ARHGEF28: variants seen among roughly 807,000 people sequenced by gnomAD.
ARHGEF28 encodes 190 kDa guanine nucleotide exchange factor.
ARHGEF28 carries 152 observed loss-of-function variants against 206.6 expected under a neutral mutation model. The ratio of observed to expected loss-of-function variants is 0.74; its 90% CI spans 0.64 to 0.84. The LOEUF (loss-of-function observed/expected upper bound fraction) is 0.84, where lower values mean the gene tolerates loss of function less well. Ranked by LOEUF, ARHGEF28 falls within the 40% of genes least tolerant of loss-of-function variation. The pLI, the probability that ARHGEF28 is intolerant of heterozygous loss-of-function variation, is 0.00. For missense variants in ARHGEF28, 2,028 were observed against 2,073.2 expected (o/e 0.98, Z 0.42); for synonymous variants, 763 against 776.4 (o/e 0.98, Z 0.29).
chr5:73,663,384 G>T (rs149913732), intron 1 of ARHGEF28, among the ~76,000 whole-genome samples: 3 of 152,312 alleles, frequency 2.0e-5, no homozygotes, highest in Admixed American at 1.3e-4. Context: ...TCCAGGACTG[G>T]TGTGCCCTCG....
chr5:73,925,308 G>A (rs1175486045), intron 35 of ARHGEF28, among the ~76,000 whole-genome samples: 1 of 152,062 alleles, frequency 6.6e-6, no homozygotes, highest in Non-Finnish European at 1.5e-5. Flanking sequence ...TCTGTTCATT[G>A]TGTGGAAGGC....
intron 9 of ARHGEF28, among the ~76,000 whole-genome samples, chr5:73,813,103 C>G (rs996178474): frequency 1.4e-4 from 21 of 152,156 alleles, no homozygotes; most frequent in African/African-American, 4.6e-4. Context: ...TAAACCTCAA[C>G]CTTTATCTAA....
intron 1 of ARHGEF28, among the ~76,000 whole-genome samples, chr5:73,659,398 C>T (rs946998022): frequency 2.0e-5 from 3 of 151,974 alleles, no homozygotes; most frequent in East Asian, 1.9e-4. Context: ...GGCATGGTGG[C>T]GGGCACCTGT....
At chr5:73,756,929 C>T (rs1186535051) in intron 4 of ARHGEF28, among the ~76,000 whole-genome samples, 2 of 152,160 alleles carry the variant, frequency 1.3e-5, no homozygotes, top group Non-Finnish European at 2.9e-5. Flanking sequence ...TGGTGAAGGA[C>T]TAACATTAAT....
At chr5:73,823,161 C>G (rs1212363182) in intron 9 of ARHGEF28, among the ~76,000 whole-genome samples, 1 of 152,162 alleles carries the variant, frequency 6.6e-6, no homozygotes, top group Non-Finnish European at 1.5e-5. Context: ...TTTCCCTGGG[C>G]CTTAGCTTTC....
chr5:73,735,933 T>C (rs1750898480), intron 2 of ARHGEF28, among the ~76,000 whole-genome samples: 1 of 152,214 alleles, frequency 6.6e-6, no homozygotes, highest in Non-Finnish European at 1.5e-5. Context: ...TCCTGACCTG[T>C]TACTCCCTCT....
At chr5:73,850,377 C>T (rs567301999) in intron 13 of ARHGEF28, among the ~76,000 whole-genome samples, 2 of 152,046 alleles carry the variant, frequency 1.3e-5, no homozygotes, top group African/African-American at 2.4e-5. Context: ...GATACAACTA[C>T]CTTGAGAGGG....
In ARHGEF28 at chr5:73,738,873, A is replaced by G. The variant is rs2112368993; in HGVS notation, c.34-10964A>G. Among the ~76,000 whole-genome samples, 2 of 152,370 alleles carry G rather than the reference A, an allele frequency of 1.3e-5. 1 individual carries two copies. Among genetic ancestry groups the G allele is most frequent in the Admixed American group, 1.3e-4 (2 of 15,308 alleles). On this transcript the variant is annotated intron_variant, in intron 2 of 35. Coordinates refer to ENST00000513042, the MANE Select transcript of ARHGEF28 (RefSeq NM_001177693.2). ...TAAATCTGTAGACCTCAAGTGCTAA[A>G]TAATAACCATGTGAGGTTACTGTCT...
chr5:73,870,761 A>G (rs924253777), intron 21 of ARHGEF28, among the ~76,000 whole-genome samples: 8 of 152,216 alleles, frequency 5.3e-5, no homozygotes, highest in African/African-American at 1.9e-4. Context: ...GTATTTTGTC[A>G]TGCTATTTGG....
At chr5:73,933,081 A>G (rs1291257724) in intron 35 of ARHGEF28, among the ~76,000 whole-genome samples, 1 of 152,084 alleles carries the variant, frequency 6.6e-6, no homozygotes, top group African/African-American at 2.4e-5. Context: ...AAGTGCTGGG[A>G]TTACAGGCGT....
At chr5:73,870,929 A>G (rs1044867744) in intron 21 of ARHGEF28, among the ~76,000 whole-genome samples, 8 of 152,178 alleles carry the variant, frequency 5.3e-5, no homozygotes, top group African/African-American at 1.9e-4. Flanking sequence ...GTGTATGCAA[A>G]CATGGGCCCC....
chr5:73,918,016 G>A (rs1020037996), intron 35 of ARHGEF28, among the ~76,000 whole-genome samples: 1 of 152,154 alleles, frequency 6.6e-6, no homozygotes, highest in Non-Finnish European at 1.5e-5. Context: ...AGGAAAGGAA[G>A]CATCACTCTC....
At position 73,858,453 on chromosome 5, in the gene ARHGEF28, G is replaced by A. The variant is rs183097165; in HGVS notation, c.2047+234G>A. Among the ~76,000 whole-genome samples, 509 of 152,236 alleles carry A rather than the reference G, an allele frequency of 3.3e-3. 6 individuals carry two copies. Among genetic ancestry groups the A allele is most frequent in the African/African-American group, 0.012 (483 of 41,554 alleles). ...GTCTCCACTGGGATGTCTAAAGAGCGTCTCAGATGTTACATCTCCCCATTC... is the reference window on the plus strand; with the variant it reads ...GTCTCCACTGGGATGTCTAAAGAGCATCTCAGATGTTACATCTCCCCATTC... On this transcript the variant is annotated intron_variant, in intron 16 of 35. Transcript: ENST00000513042.
intron 10 of ARHGEF28, among the ~76,000 whole-genome samples, chr5:73,832,797 G>A (rs1757381071): frequency 6.6e-6 from 1 of 152,148 alleles, no homozygotes; most frequent in Admixed American, 6.5e-5. Flanking sequence ...AAAACAGTAT[G>A]TATATGACCT....
chr5:73,825,076 T>A (rs1427544134), intron 9 of ARHGEF28, among the ~76,000 whole-genome samples: 2 of 152,208 alleles, frequency 1.3e-5, no homozygotes, highest in Non-Finnish European at 2.9e-5. Flanking sequence ...CCTGTATGGT[T>A]CTAGGTACTG....
chr5:73,927,773 C>G (rs1269143045), intron 35 of ARHGEF28, among the ~76,000 whole-genome samples: 1 of 152,112 alleles, frequency 6.6e-6, no homozygotes, highest in East Asian at 1.9e-4. Context: ...AGTTTAATTT[C>G]TAGAAATATG....
intron 14 of ARHGEF28, among the ~76,000 whole-genome samples, chr5:73,854,484 T>C (rs1190530223): frequency 1.3e-5 from 2 of 152,130 alleles, no homozygotes; most frequent in Non-Finnish European, 2.9e-5. Flanking sequence ...AGGATCTGAG[T>C]GTTAACAGAA....
intron 30 of ARHGEF28, 188 bp downstream of exon 30, chr5:73,898,281 G>T: frequency 1.6e-6 from 1 of 609,324 alleles, no homozygotes. Context: ...TAATGACACT[G>T]GGGTTTCAAG....
chr5:73,755,812 A>T (rs1752277909), intron 4 of ARHGEF28, among the ~76,000 whole-genome samples: 2 of 152,110 alleles, frequency 1.3e-5, no homozygotes, highest in African/African-American at 4.8e-5. Context: ...CTATTTGGGG[A>T]TACATTCTTG....
Sources: allele counts gnomAD v4.1 joint callset (sites outside exome capture counted in the v4.1 genomes callset), GRCh38; gene constraint gnomAD v4.1.1; transcripts MANE v1.5; gene names NCBI Gene and HGNC (gene_info 2026-07-23, HGNC 2026-07-21).